Variants in EMC3 observed in about 807,000 individuals in gnomAD.
The protein encoded by EMC3 is ER membrane protein complex subunit 3, also known as 30 kDa protein.
In EMC3, 13 loss-of-function variants were observed where a neutral mutation model predicts 36.6. The ratio of observed to expected loss-of-function variants is 0.35; its 90% confidence interval spans 0.23 to 0.56. The LOEUF (loss-of-function observed/expected upper bound fraction) is 0.56. EMC3 is among the 20% of genes least tolerant of loss of function. The pLI is 0.84. For synonymous variants in EMC3, 120 were observed against 111.9 expected, an observed-to-expected ratio of 1.07 and a Z score of -0.46; for missense variants, 220 against 324.5, an observed-to-expected ratio of 0.68 and a Z score of 2.47.
intron 3 of EMC3, among the ~76,000 whole-genome samples, chr3:9,975,448 C>T (rs1008226424): frequency 1.3e-5 from 2 of 151,694 alleles, no homozygotes; most frequent in East Asian, 1.9e-4. Flanking sequence ...CTAACTTCCT[C>T]GACCTTGACA....
intron 1 of EMC3, among the ~76,000 whole-genome samples, chr3:9,995,859 G>GAA (rs796987269): frequency 7.0e-6 from 1 of 142,726 alleles, no homozygotes; most frequent in East Asian, 2.0e-4. Flanking sequence ...AAATTTGCTG[G>GAA]AAAAAAAAAA....
chr3:9,977,091 T>C (rs761890421), intron 2 of EMC3, 41 bp from the exon 3 acceptor site: 1 of 1,451,448 alleles, frequency 6.9e-7, no homozygotes, highest in Non-Finnish European at 9.5e-7. Context: ...CTAAGAACTA[T>C]GACACAGCAA....
chr3:9,996,019 A>G (rs766710789), intron 1 of EMC3, among the ~76,000 whole-genome samples: 6 of 152,180 alleles, frequency 3.9e-5, no homozygotes, highest in Non-Finnish European at 8.8e-5. Context: ...AGCTCTGTCT[A>G]TTAGGGTAGA....
upstream of EMC3, chr3:9,987,368 GCCC>G (rs2085989424): frequency 2.2e-6 from 2 of 927,138 alleles, no homozygotes; most frequent in Non-Finnish European, 2.6e-6. Context: ...GGGGCTCCGC[GCCC>G]CAAGCCTCGG....
rs1475191886 is a variant in EMC3, at chr3:9,994,436, C to T, written c.-241-7534G>A. On this transcript the variant is annotated intron_variant, in intron 1 of 8. Transcript: ENST00000470827. ...AAGGGAAAGTAGCTCTGAACTGGGT[C>T]TCAGGAAAGCTCAATTTTACTCCCA... 1.4e-5 allele frequency: 7 copies of T among 510,246 alleles called. No homozygotes were observed. In the East Asian group the frequency reaches 2.6e-4, roughly 19 times the overall value. 31.6% of individuals were successfully genotyped at this position (510,246 alleles called of 1,614,324 possible).
intron 1 of EMC3, among the ~76,000 whole-genome samples, chr3:10,000,397 A>T (rs1178429689): frequency 6.6e-6 from 1 of 152,228 alleles, no homozygotes; most frequent in African/African-American, 2.4e-5. Context: ...CATTACTAAC[A>T]AAGTCTAATC....
intron 1 of EMC3, chr3:10,003,245 C>A: frequency 2.2e-6 from 1 of 456,556 alleles, no homozygotes; most frequent in Non-Finnish European, 4.4e-6. Context: ...GTCATTCAGG[C>A]TGGGCAGCCC....
rs118102682 is a variant in EMC3 at position 9,983,470 on chromosome 3, C to T, written c.155+3037G>A. 8.2e-4 allele frequency among the ~76,000 whole-genome samples: 124 copies of T among 152,130 alleles called. 3 individuals are homozygous for T. In the East Asian group the frequency reaches 0.016, roughly 20 times the overall value. ...GCTGTTACATTCCTTCTTAAGGAAG[C>T]GTTCTTGGCTGGGTGCAATGGCTCA... On this transcript the variant is annotated intron_variant, in intron 1 of 7. Coordinates refer to ENST00000245046, the MANE Select transcript of EMC3 (RefSeq NM_001394674.1).
At chr3:10,004,217 T>TA (rs1049068362) in intron 1 of EMC3, 6 of 152,272 alleles carry the variant, frequency 3.9e-5, no homozygotes, top group Admixed American at 3.3e-4. Flanking sequence ...ATTAAAAAAC[T>TA]ATTAACAGTA....
At position 9,963,450 on chromosome 3, in the gene EMC3, G is replaced by GATATATATATAT. The variant is rs1448350735; in HGVS notation, c.*618_*619insATATATATATAT. 1.3e-4 allele frequency: 10 copies of GATATATATATAT among 77,676 alleles called. No homozygotes were observed. Among genetic ancestry groups the GATATATATATAT allele is most frequent in the African/African-American group, 4.1e-4 (6 of 14,630 alleles). 4.8% of individuals were successfully genotyped at this position (77,676 alleles called of 1,614,324 possible). A position where few individuals can be genotyped will look rare whatever the true frequency, so the allele number is the denominator to read the frequency against. ...CCTTCGAAGACTGGGCTTCTGCTAA[G>GATATATATATAT]ATAGATATATATATATATATATATA... On this transcript the variant is annotated 3_prime_UTR_variant, in exon 8 of 8. Transcript: ENST00000245046.
At chr3:9,991,005 T>G (rs550625254), upstream of EMC3, among the ~76,000 whole-genome samples, 112 of 152,066 alleles carry the variant, frequency 7.4e-4, 1 homozygote, top group South Asian at 0.018. Flanking sequence ...ATTTTTTGTA[T>G]TTTTAGTAGA....
chr3:9,986,881 T>C (rs1027408118), upstream of EMC3: 45 of 1,354,326 alleles, frequency 3.3e-5, no homozygotes, highest in Non-Finnish European at 4.2e-5. Flanking sequence ...CGCACCTCAG[T>C]GGCGTCAGAG....
Position 9,986,833 on chromosome 3 carries a change from C to G in EMC3, c.-172G>C. ...ACTGCCTTCAGCTGGGCTGCCTGGT[C>G]TTCCACTTCCGGCGCGAACGTTGAC... On this transcript the variant is annotated 5_prime_UTR_variant, in exon 1 of 8. Coordinates refer to ENST00000245046, the MANE Select transcript of EMC3 (RefSeq NM_001394674.1). 1.6e-5 allele frequency: 23 copies of G among 1,395,244 alleles called. No individual in the cohort carries two copies. In the South Asian group the frequency reaches 3.4e-4, roughly 21 times the overall value. The allele number at this position is 1,395,244 out of a possible 1,614,324, so 86.4% of individuals were successfully genotyped here. A position where few individuals can be genotyped will look rare whatever the true frequency, so the allele number is the denominator to read the frequency against.
At chr3:9,968,197 G>A (rs2124899887) in intron 7 of EMC3, among the ~76,000 whole-genome samples, 1 of 152,340 alleles carries the variant, frequency 6.6e-6, no homozygotes, top group Non-Finnish European at 1.5e-5. Flanking sequence ...TAGGATTACA[G>A]GCGTTAACCA....
At chr3:9,969,386 G>T in intron 7 of EMC3, 1 of 1,146,532 alleles carries the variant, frequency 8.7e-7, no homozygotes, top group Non-Finnish European at 1.1e-6. Flanking sequence ...TTTTTTTAAT[G>T]CAATTTATAT....
chr3:9,986,620 G>A lies in EMC3; in HGVS notation c.42C>T (p.Leu14=). 1 of 1,614,238 alleles carries A rather than the reference G, an allele frequency of 6.2e-7. No homozygotes were observed. Among genetic ancestry groups the A allele is most frequent in the Non-Finnish European group, 8.5e-7 (1 of 1,180,040 alleles). The change falls in exon 1 of 8, where the codon CTC becomes CTT. Residue 14 remains leucine (L), a synonymous_variant. Coordinates refer to ENST00000245046, the MANE Select transcript of EMC3 (RefSeq NM_001394674.1). Reference sequence around the variant, plus strand: ...TGATAACGATGGGTAGGACCACCCAGAGGCGGATGTTGGAGTCGAGCAACA... The same window carrying A: ...TGATAACGATGGGTAGGACCACCCAAAGGCGGATGTTGGAGTCGAGCAACA... The part of the protein sequence containing the change: ...PELLLDSNIR[L]WVVLPIVIIT...
At chr3:9,998,025 G>A (rs577987388) in intron 1 of EMC3, among the ~76,000 whole-genome samples, 1 of 152,102 alleles carries the variant, frequency 6.6e-6, no homozygotes, top group South Asian at 2.1e-4. Context: ...AATGCACGTG[G>A]TCTCCAATTT....
At position 9,963,987 on chromosome 3, in the gene EMC3, T is replaced by A; in HGVS notation, c.*82A>T. The A allele has an allele frequency of 6.4e-7, 1 of 1,569,274 alleles. No individual in the cohort carries two copies. ...CCAGCTCGTGCATCCTCCTTTTTATTTCAAGAGGTGCCAGCTCCAAACAAA... is the reference window on the plus strand; with the variant it reads ...CCAGCTCGTGCATCCTCCTTTTTATATCAAGAGGTGCCAGCTCCAAACAAA... On this transcript the variant is annotated 3_prime_UTR_variant, in exon 8 of 8. Coordinates refer to ENST00000245046, the MANE Select transcript of EMC3 (RefSeq NM_001394674.1).
intron 1 of EMC3, among the ~76,000 whole-genome samples, chr3:9,996,356 G>A (rs2086124068): frequency 6.6e-6 from 1 of 152,096 alleles, no homozygotes; most frequent in South Asian, 2.1e-4. Flanking sequence ...GAGGTGGGAG[G>A]ATCCATTGAA....
Sources: gnomAD v4.1 joint callset for allele counts (sites outside exome capture counted in the v4.1 genomes callset) on GRCh38, gnomAD v4.1.1 for gene constraint, MANE v1.5 for transcripts, NCBI Gene and HGNC (gene_info 2026-07-23, HGNC 2026-07-21) for gene names.